Variants in FSTL4 observed in about 807,000 individuals in gnomAD.
FSTL4 encodes follistatin-related protein 4.
A neutral mutation model predicts 78.2 loss-of-function variants in FSTL4; 28 were observed. The observed-to-expected ratio is 0.36, with a 90% CI of 0.27 to 0.49. FSTL4 has a LOEUF of 0.49. Ranked by LOEUF, FSTL4 falls within the 20% of genes least tolerant of loss-of-function variation. The pLI is 0.98. For missense variants in FSTL4, 922 were observed against 1,084.9 expected (o/e 0.85, Z 2.11); for synonymous variants, 422 against 440.5 (o/e 0.96, Z 0.53).
chr5:133,701,468 AACACACACACACAC>A, the FSTL4 span, among the ~76,000 whole-genome samples: 8 of 129,032 alleles, frequency 6.2e-5, 1 homozygote, highest in South Asian at 5.3e-4. Flanking sequence ...AAGACACAGA[AACACACACACACAC>A]ACACACACAC....
At chr5:133,641,662 A>G in the FSTL4 span, among the ~76,000 whole-genome samples, 7 of 152,214 alleles carry the variant, frequency 4.6e-5, no homozygotes, top group Non-Finnish European at 8.8e-5. Flanking sequence ...GGCTTTTAGT[A>G]GCAAAAAATA....
At chr5:133,557,911 G>T (rs1387686416) in intron 3 of FSTL4, among the ~76,000 whole-genome samples, 2 of 152,180 alleles carry the variant, frequency 1.3e-5, no homozygotes, top group Non-Finnish European at 2.9e-5. Flanking sequence ...AGTCAAAGGG[G>T]ACCCTCTGCT....
the FSTL4 span, among the ~76,000 whole-genome samples, chr5:133,698,562 G>T: frequency 6.6e-6 from 1 of 152,250 alleles, no homozygotes; most frequent in Admixed American, 6.5e-5. Context: ...GTGCAATAAT[G>T]TGTGACCATT....
intron 4 of FSTL4, among the ~76,000 whole-genome samples, chr5:133,362,412 T>A (rs78051491): frequency 6.6e-6 from 1 of 152,218 alleles, no homozygotes; most frequent in African/African-American, 2.4e-5. Flanking sequence ...GCACTGGATC[T>A]GAAAGAGTTG....
chr5:133,311,641 T>A (rs1443106530), intron 6 of FSTL4, among the ~76,000 whole-genome samples: 1 of 152,152 alleles, frequency 6.6e-6, no homozygotes, highest in Non-Finnish European at 1.5e-5. Context: ...GCAGGAATAC[T>A]TTGCTGGAAA....
At chr5:133,522,904 T>C (rs1349547755) in intron 3 of FSTL4, among the ~76,000 whole-genome samples, 1 of 152,242 alleles carries the variant, frequency 6.6e-6, no homozygotes, top group African/African-American at 2.4e-5. Context: ...ACTTTTGTAT[T>C]TTAATCAGTT....
At position 133,510,080 on chromosome 5, in the gene FSTL4, C is replaced by T. The variant is rs73788113; in HGVS notation, c.160+57106G>A. On this transcript the variant is annotated intron_variant, in intron 3 of 15. Transcript: ENST00000265342. ...GCCAAGGTATTTAGTACGTTATATC[C>T]TTTAATCCTCAGAATAACCCTATGA... is the stretch of plus-strand genomic sequence containing the variant. Among the ~76,000 whole-genome samples, 275 of 152,364 alleles carry T rather than the reference C, an allele frequency of 1.8e-3. 1 individual carries two copies. Among genetic ancestry groups the T allele is most frequent in the African/African-American group, 6.3e-3 (262 of 41,582 alleles).
chr5:133,285,264 G>A (rs1436125234), intron 6 of FSTL4, among the ~76,000 whole-genome samples: 1 of 152,252 alleles, frequency 6.6e-6, no homozygotes, highest in Non-Finnish European at 1.5e-5. Flanking sequence ...AGAGAAGCGA[G>A]AAGACAAATG....
the FSTL4 span, among the ~76,000 whole-genome samples, chr5:133,796,027 C>T: frequency 1.3e-5 from 2 of 152,238 alleles, no homozygotes; most frequent in African/African-American, 4.8e-5. Context: ...GTCACTAGTC[C>T]TTCTGCTCTT....
chr5:133,839,005 G>C, the FSTL4 span, among the ~76,000 whole-genome samples: 2 of 152,196 alleles, frequency 1.3e-5, no homozygotes, highest in Non-Finnish European at 2.9e-5. Flanking sequence ...TCTCAAACAA[G>C]TCAGTCTGCC....
the FSTL4 span, among the ~76,000 whole-genome samples, chr5:133,725,525 A>T: frequency 0.013 from 1,989 of 152,300 alleles, 52 homozygotes; most frequent in African/African-American, 0.044. Flanking sequence ...GGTAGAGACA[A>T]TCAACCTTCA....
the FSTL4 span, among the ~76,000 whole-genome samples, chr5:133,814,753 G>A: frequency 6.6e-6 from 1 of 152,224 alleles, no homozygotes; most frequent in East Asian, 1.9e-4. Context: ...CACCGTCAGT[G>A]TCATTTTGAA....
the FSTL4 span, among the ~76,000 whole-genome samples, chr5:133,803,001 A>T: frequency 1.3e-5 from 2 of 152,200 alleles, no homozygotes; most frequent in Admixed American, 1.3e-4. Flanking sequence ...GCTAGCAGCC[A>T]TTTTCCCTGA....
At chr5:133,802,847 G>T in the FSTL4 span, among the ~76,000 whole-genome samples, 5 of 152,192 alleles carry the variant, frequency 3.3e-5, no homozygotes, top group Admixed American at 2.0e-4. Context: ...AAGAACTACA[G>T]TGCCACATCT....
chr5:133,598,514 T>C (rs1414177958), intron 2 of FSTL4, among the ~76,000 whole-genome samples: 1 of 152,086 alleles, frequency 6.6e-6, no homozygotes, highest in Non-Finnish European at 1.5e-5. Flanking sequence ...ATTATAAATG[T>C]ACTGATAACG....
intron 2 of FSTL4, among the ~76,000 whole-genome samples, chr5:133,596,874 A>C (rs915301857): frequency 6.6e-6 from 1 of 152,194 alleles, no homozygotes; most frequent in Non-Finnish European, 1.5e-5. Context: ...GAGTAAAACA[A>C]GGCTGATTTT....
chr5:133,638,035 C>T, the FSTL4 span, among the ~76,000 whole-genome samples: 1 of 152,048 alleles, frequency 6.6e-6, no homozygotes, highest in African/African-American at 2.4e-5. Flanking sequence ...AAAACTGTTC[C>T]ACCCAAACTT....
chr5:133,575,760 A>C (rs1760263284), intron 2 of FSTL4, among the ~76,000 whole-genome samples: 1 of 152,256 alleles, frequency 6.6e-6, no homozygotes, highest in Non-Finnish European at 1.5e-5. Flanking sequence ...CAGAAGCTTC[A>C]AACCAGATGG....
At chr5:133,731,833 G>A in the FSTL4 span, among the ~76,000 whole-genome samples, 3 of 152,026 alleles carry the variant, frequency 2.0e-5, no homozygotes, top group African/African-American at 7.3e-5. Flanking sequence ...CTTTCAATCT[G>A]GTCAGAGACT....
Sources: allele counts gnomAD v4.1 joint callset (sites outside exome capture counted in the v4.1 genomes callset), GRCh38; gene constraint gnomAD v4.1.1; transcripts MANE v1.5; gene names NCBI Gene and HGNC (gene_info 2026-07-23, HGNC 2026-07-21).